NF2: variants seen among roughly 807,000 people sequenced by gnomAD.
NF2 encodes the protein NF2, moesin-ezrin-radixin like (MERLIN) tumor suppressor.
In NF2, 8 loss-of-function variants were observed where a neutral mutation model predicts 83.7. That is an observed-to-expected ratio of 0.10 (90% CI 0.06 to 0.17). NF2 has a LOEUF of 0.17. Ranked by LOEUF, NF2 falls within the 10% of genes least tolerant of loss-of-function variation. The pLI is 1.00. For missense variants in NF2, 533 were observed against 744.4 expected (o/e 0.72, Z 3.31); for synonymous variants, 266 against 269.6 (o/e 0.99, Z 0.13).
intron 4 of NF2, among the ~76,000 whole-genome samples, chr22:29,642,841 C>G (rs913822400): frequency 3.3e-5 from 5 of 152,158 alleles, no homozygotes; most frequent in Non-Finnish European, 5.9e-5. Flanking sequence ...CTTCATCTGC[C>G]CCTGATTGAC....
chr22:29,671,800 T>G (rs2147070299), intron 10 of NF2, 26 bp from the exon 11 acceptor site: 1 of 1,613,646 alleles, frequency 6.2e-7, no homozygotes, highest in Non-Finnish European at 8.5e-7. Flanking sequence ...TGTGATTCAA[T>G]GACTGTTTTT....
intron 15 of NF2, chr22:29,683,765 C>T (rs1449011609): frequency 3.3e-5 from 35 of 1,063,992 alleles, no homozygotes; most frequent in South Asian, 1.4e-4. Flanking sequence ...AGTACACTCA[C>T]GGCACCCTGG....
chr22:29,683,490 A>G lies in NF2; in HGVS notation c.1737+1889A>G. 5 of 1,169,810 alleles carry G rather than the reference A, an allele frequency of 4.3e-6. No individual in the cohort carries two copies. In the South Asian group the frequency reaches 1.3e-4, roughly 31 times the overall value. The allele number at this position is 1,169,810 out of a possible 1,614,324, so 72.5% of individuals were successfully genotyped here. ...CAAGATCAAGACCTTTTATGCGTTG[A>G]CAGCCTCTCAAGACCCATGGTCACA... On this transcript the variant is annotated intron_variant, in intron 15 of 15. Transcript: ENST00000338641.
rs1346567716 is a variant in NF2, at chr22:29,695,758, A to G, written c.*956A>G. 4.3e-6 allele frequency: 1 copy of G among 233,942 alleles called. No homozygotes were observed. Among genetic ancestry groups the G allele is most frequent in the East Asian group, 6.0e-5 (1 of 16,736 alleles). The allele number at this position is 233,942 out of a possible 1,614,324, so 14.5% of individuals were successfully genotyped here. A position where few individuals can be genotyped will look rare whatever the true frequency, so the allele number is the denominator to read the frequency against. On this transcript the variant is annotated 3_prime_UTR_variant, in exon 16 of 16. Transcript: ENST00000338641. The surrounding 1 kb of genome is among the most constrained non-coding windows in gnomAD (Gnocchi z 5.4). ...TCTGAGCTCCACCGGCCCAGTCTGC[A>G]CGGCCCATCTGCTTCACCTTCCCTC... is the stretch of plus-strand genomic sequence containing the variant.
intron 12 of NF2, 44 bp downstream of exon 12, chr22:29,673,530 G>C (rs1439657412): frequency 6.4e-7 from 1 of 1,573,104 alleles, no homozygotes; most frequent in East Asian, 2.3e-5. Flanking sequence ...GGCTGGCGAA[G>C]GGCCGCAGAC....
Position 29,682,919 on chromosome 22 carries a change from C to T in NF2, c.1737+1318C>T, listed in dbSNP as rs868560256. 2.8e-5 allele frequency: 39 copies of T among 1,395,454 alleles called. No individual in the cohort carries two copies. In the Middle Eastern group the frequency reaches 1.9e-3, roughly 70 times the overall value. The allele number at this position is 1,395,454 out of a possible 1,614,324, so 86.4% of individuals were successfully genotyped here. On this transcript the variant is annotated intron_variant, in intron 15 of 15. Transcript: ENST00000338641. ...TTAAAACAAACAAAATCACTCATCA[C>T]GATTTCAGGCCTATCCAAGCATTTT... is the stretch of plus-strand genomic sequence containing the variant.
In NF2 at chr22:29,695,016, C is replaced by G; in HGVS notation, c.*214C>G. Reference sequence around the variant, plus strand: ...AGATTTCTCTCATGGCGTTCTAGTTCTCTGACCTGAGTCTTTGTTTTAAGA... The same window carrying G: ...AGATTTCTCTCATGGCGTTCTAGTTGTCTGACCTGAGTCTTTGTTTTAAGA... On this transcript the variant is annotated 3_prime_UTR_variant, in exon 16 of 16. Coordinates refer to ENST00000338641, the MANE Select transcript of NF2 (RefSeq NM_000268.4). The surrounding 1 kb of genome is among the most constrained non-coding windows in gnomAD (Gnocchi z 5.4). 1.6e-6 allele frequency: 1 copy of G among 623,478 alleles called. No homozygotes were observed. 38.6% of individuals were successfully genotyped at this position (623,478 alleles called of 1,614,324 possible). A position where few individuals can be genotyped will look rare whatever the true frequency, so the allele number is the denominator to read the frequency against.
intron 10 of NF2, among the ~76,000 whole-genome samples, chr22:29,671,559 A>C (rs2066788163): frequency 6.6e-6 from 1 of 152,134 alleles, no homozygotes; most frequent in South Asian, 2.1e-4. Context: ...GCCTTTTTCT[A>C]TCCGGGTCAA....
intron 1 of NF2, among the ~76,000 whole-genome samples, chr22:29,618,537 T>C (rs996582314): frequency 7.9e-5 from 12 of 152,242 alleles, no homozygotes; most frequent in African/African-American, 2.7e-4. Context: ...ATTTTTCCAC[T>C]TGAAAGATTT....
intron 1 of NF2, among the ~76,000 whole-genome samples, chr22:29,604,981 TTTG>T (rs2064747585): frequency 6.6e-6 from 1 of 152,098 alleles, no homozygotes; most frequent in Admixed American, 6.6e-5. Context: ...AAAATTCTTT[TTTG>T]TTTTGTTTCG....
rs1323501568 is a variant in NF2, at chr22:29,636,600, G to A, written c.115-151G>A. 3.9e-6 allele frequency: 4 copies of A among 1,023,900 alleles called. No individual in the cohort carries two copies. The African/African-American group carries it at 6.4e-5, about 16-fold the overall frequency. 63.4% of individuals were successfully genotyped at this position (1,023,900 alleles called of 1,614,324 possible). Reference sequence around the variant, plus strand: ...ATTTTCCCACTCATGGGTTTGTAAAGGAAGCTTTAAAATTATTTAGGAATT... The same window carrying A: ...ATTTTCCCACTCATGGGTTTGTAAAAGAAGCTTTAAAATTATTTAGGAATT... On this transcript the variant is annotated intron_variant, in intron 1 of 15. Coordinates refer to ENST00000338641, the MANE Select transcript of NF2 (RefSeq NM_000268.4). The surrounding 1 kb of genome is among the most constrained non-coding windows in gnomAD (Gnocchi z 4.4).
At chr22:29,642,412 G>T (rs1439647283) in intron 4 of NF2, 127 bp downstream of exon 4, 20 of 765,942 alleles carry the variant, frequency 2.6e-5, no homozygotes, top group Non-Finnish European at 3.8e-5. Flanking sequence ...GAGATGTTAT[G>T]GGACTTGTGG....
chr22:29,616,720 C>T (rs2065089853), intron 1 of NF2, among the ~76,000 whole-genome samples: 2 of 140,112 alleles, frequency 1.4e-5, no homozygotes, highest in Non-Finnish European at 3.1e-5. Flanking sequence ...CCAGCCTGGG[C>T]AACAAGAGTG....
chr22:29,643,680 G>T (rs202026627), intron 4 of NF2, among the ~76,000 whole-genome samples: 9 of 152,000 alleles, frequency 5.9e-5, no homozygotes, highest in Non-Finnish European at 1.5e-5. Flanking sequence ...AAAGTCTCCC[G>T]TGTCTACTTC....
intron 15 of NF2, among the ~76,000 whole-genome samples, chr22:29,682,590 A>G (rs570769609): frequency 6.6e-6 from 1 of 152,322 alleles, no homozygotes; most frequent in South Asian, 2.1e-4. Flanking sequence ...CACATTCCAC[A>G]TTCTTCTTTC....
intron 4 of NF2, among the ~76,000 whole-genome samples, chr22:29,643,911 G>T (rs2065889592): frequency 6.6e-6 from 1 of 151,158 alleles, no homozygotes; most frequent in South Asian, 2.1e-4. Context: ...CGGCTGGCCG[G>T]GCGGGGGGCT....
chr22:29,614,014 C>T (rs1487770955), intron 1 of NF2, among the ~76,000 whole-genome samples: 1 of 151,152 alleles, frequency 6.6e-6, no homozygotes, highest in Non-Finnish European at 1.5e-5. Context: ...GCCTCAGCCT[C>T]CCAAAGTGCT....
intron 15 of NF2, among the ~76,000 whole-genome samples, chr22:29,687,730 C>T (rs2067302966): frequency 6.6e-6 from 1 of 152,156 alleles, no homozygotes; most frequent in Non-Finnish European, 1.5e-5. Context: ...CATACTGGCT[C>T]CCCAGCCCTG....
At chr22:29,669,294 G>A (rs150030582) in intron 10 of NF2, among the ~76,000 whole-genome samples, 228 of 152,288 alleles carry the variant, frequency 1.5e-3, no homozygotes, top group African/African-American at 5.2e-3. Context: ...TCAGGGTGAT[G>A]GGATGGATTT....
Sources: allele counts gnomAD v4.1 joint callset (sites outside exome capture counted in the v4.1 genomes callset), GRCh38; gene constraint gnomAD v4.1.1; non-coding constraint Gnocchi (gnomAD v3.1); transcripts MANE v1.5; gene names NCBI Gene and HGNC (gene_info 2026-07-23, HGNC 2026-07-21).